The following CZIB variants were observed in gnomAD, a reference collection of about 807,000 sequenced individuals.
CZIB encodes UPF0587 protein C1orf123.
CZIB carries 26 observed loss-of-function variants against 28.3 expected under a neutral mutation model. The ratio of observed to expected loss-of-function variants is 0.92; its 90% CI spans 0.67 to 1.27. The LOEUF is 1.27. CZIB is among the 50% of genes most tolerant of loss of function. CZIB has a pLI of 0.00. For synonymous variants in CZIB, 78 were observed against 71.1 expected (o/e 1.10, Z -0.49); for missense variants, 179 against 197.3 (o/e 0.91, Z 0.56).
chr1:53,218,291 G>T, intron 4 of CZIB, 88 bp from the exon 5 acceptor site: 1 of 1,574,938 alleles, frequency 6.3e-7, no homozygotes, highest in Non-Finnish European at 8.7e-7. Context: ...AAAAGATCAC[G>T]CTGTACAGGT....
At chr1:53,219,254 C>A in intron 2 of CZIB, 1 of 341,288 alleles carries the variant, frequency 2.9e-6, no homozygotes, top group Non-Finnish European at 5.5e-6. Context: ...AAAATTACAG[C>A]TATATGGGAG....
rs1017270176 is a variant in CZIB at position 53,214,509 on chromosome 1, G to A, written c.*150C>T. On this transcript the variant is annotated 3_prime_UTR_variant, in exon 8 of 8. Transcript: ENST00000294360. ...CAGGGGCTTTATTGATGGGGCTTGGGAAGCTGTAATAAAGTCCAGCATGCA... is the reference window on the plus strand; with the variant it reads ...CAGGGGCTTTATTGATGGGGCTTGGAAAGCTGTAATAAAGTCCAGCATGCA... 2 of 640,436 alleles carry A rather than the reference G, an allele frequency of 3.1e-6. No homozygotes were observed. The highest frequency in any genetic ancestry group is 5.5e-6 in the Non-Finnish European group (2 of 365,808). The allele number at this position is 640,436 out of a possible 1,614,324, so 39.7% of individuals were successfully genotyped here. A position where few individuals can be genotyped will look rare whatever the true frequency, so the allele number is the denominator to read the frequency against.
At position 53,218,556 on chromosome 1, in the gene CZIB, A is replaced by C. The variant is rs906441119; in HGVS notation, c.148-61T>G. 2.4e-5 allele frequency: 37 copies of C among 1,514,914 alleles called. 1 individual carries two copies. In the Admixed American group the frequency reaches 3.4e-4, roughly 14 times the overall value. 93.8% of individuals were successfully genotyped at this position (1,514,914 alleles called of 1,614,324 possible). On this transcript the variant is annotated intron_variant, in intron 3 of 7. Coordinates refer to ENST00000294360, the MANE Select transcript of CZIB (RefSeq NM_017887.3). ...GAATTAGATGTACAGTCCTGAGGAG[A>C]TCGAGCCCACCATTTATTGTCCACT...
At chr1:53,217,239 T>C (rs534264485) in intron 5 of CZIB, 1 of 171,110 alleles carries the variant, frequency 5.8e-6, no homozygotes, top group African/African-American at 2.4e-5. Flanking sequence ...CAATAAATAG[T>C]AAATAAAATT....
chr1:53,220,362 A>C lies in CZIB; in HGVS notation c.7-18T>G. 6.2e-7 allele frequency: 1 copy of C among 1,610,102 alleles called. No individual in the cohort carries two copies. The highest frequency in any genetic ancestry group is 1.1e-5 in the South Asian group (1 of 91,064). ...GCGATTTTCTGAGGGGGAGGGCCAG[A>C]GCGACTGCGTCAGCCGTGCCTGCGC... On this transcript the variant is annotated intron_variant, in intron 1 of 7. Coordinates refer to ENST00000294360, the MANE Select transcript of CZIB (RefSeq NM_017887.3).
chr1:53,216,536 G>C (rs1425674716), intron 6 of CZIB, among the ~76,000 whole-genome samples: 1 of 152,178 alleles, frequency 6.6e-6, no homozygotes, highest in Admixed American at 6.5e-5. Context: ...AATCTCTTCA[G>C]TTCCTTCCTC....
intron 7 of CZIB, 56 bp downstream of exon 7, chr1:53,215,935 A>G: frequency 6.4e-7 from 1 of 1,569,660 alleles, no homozygotes; most frequent in Non-Finnish European, 8.8e-7. Flanking sequence ...GTCCACCAAA[A>G]AAATAATTCC....
In CZIB at chr1:53,220,618, G is replaced by A. The variant is rs1367456754; in HGVS notation, c.-43C>T. Reference sequence around the variant, plus strand: ...GGTGCTGGCTGCGGCCCTTGCCGTTGCTTTCCGGCGCGTCGTAAAAGGCGG... The same window carrying A: ...GGTGCTGGCTGCGGCCCTTGCCGTTACTTTCCGGCGCGTCGTAAAAGGCGG... On this transcript the variant is annotated 5_prime_UTR_variant, in exon 1 of 8. Transcript: ENST00000294360. 2 of 1,590,476 alleles carry A rather than the reference G, an allele frequency of 1.3e-6. No individual in the cohort carries two copies. The highest frequency in any genetic ancestry group is 2.2e-5 in the South Asian group (2 of 90,498).
Position 53,214,436 on chromosome 1 carries a change from G to C in CZIB, c.*223C>G, listed in dbSNP as rs979993634. The C allele has an allele frequency of 3.7e-4, 186 of 497,786 alleles. 2 individuals are homozygous for C. Among genetic ancestry groups the C allele is most frequent in the Non-Finnish European group, 2.5e-5 (7 of 277,882 alleles). The allele number at this position is 497,786 out of a possible 1,614,324, so 30.8% of individuals were successfully genotyped here. A position where few individuals can be genotyped will look rare whatever the true frequency, so the allele number is the denominator to read the frequency against. The stretch of plus-strand genomic sequence containing the variant: ...GCTGCACGAATTCTTATTTGTGGAG[G>C]GAGTAGCTGCCTCCTTACTTCACCT... On this transcript the variant is annotated 3_prime_UTR_variant, in exon 8 of 8. Transcript: ENST00000294360.
chr1:53,215,018 G>C (rs931609335), intron 7 of CZIB, among the ~76,000 whole-genome samples: 4 of 152,184 alleles, frequency 2.6e-5, no homozygotes, highest in African/African-American at 9.7e-5. Context: ...ATTGAATGTT[G>C]AAAGAATCAA....
intron 7 of CZIB, among the ~76,000 whole-genome samples, chr1:53,215,379 G>A (rs1319581617): frequency 6.6e-6 from 1 of 152,192 alleles, no homozygotes; most frequent in Non-Finnish European, 1.5e-5. Flanking sequence ...AGCATAGTGA[G>A]TGCCTGGCAC....
At chr1:53,219,693 A>G (rs1645505671) in intron 2 of CZIB, 1 of 152,640 alleles carries the variant, frequency 6.6e-6, no homozygotes, top group Non-Finnish European at 1.5e-5. Context: ...CTGGGAAACA[A>G]AAGTAGTCCG....
chr1:53,218,401 C>T lies in CZIB; in HGVS notation c.229+13G>A, dbSNP rs1645487887. On this transcript the variant is annotated intron_variant, in intron 4 of 7. Coordinates refer to ENST00000294360, the MANE Select transcript of CZIB (RefSeq NM_017887.3). The stretch of plus-strand genomic sequence containing the variant: ...CCACCCTGGCAGAACTCAGTACGCA[C>T]AGCCTGACCTACCGATGGAATTTTC... 6.2e-7 allele frequency: 1 copy of T among 1,614,152 alleles called. No homozygotes were observed.
At chr1:53,219,099 A>G in intron 2 of CZIB, 176 bp from the exon 3 acceptor site, 2 of 641,444 alleles carry the variant, frequency 3.1e-6, no homozygotes. Flanking sequence ...TGGGCAAAGG[A>G]TAGGTAAGGC....
chr1:53,220,253 G>A lies in CZIB; in HGVS notation c.90+8C>T, dbSNP rs1350839702. ...GCCTCCTCTCCCCGGGCCCCGCCCC[G>A]GCCGCACCTTCAGGTACCACCGGAA... On this transcript the variant is annotated splice_region_variant and intron_variant, in intron 2 of 7. Transcript: ENST00000294360. 3.1e-6 allele frequency: 5 copies of A among 1,612,164 alleles called. No individual in the cohort carries two copies. Among genetic ancestry groups the A allele is most frequent in the Non-Finnish European group, 4.2e-6 (5 of 1,179,338 alleles).
At chr1:53,216,412 G>C (rs1645473387) in intron 6 of CZIB, among the ~76,000 whole-genome samples, 1 of 152,184 alleles carries the variant, frequency 6.6e-6, no homozygotes, top group African/African-American at 2.4e-5. Flanking sequence ...TCACAGATTT[G>C]TTGTGAGGTG....
intron 2 of CZIB, 35 bp downstream of exon 2, chr1:53,220,226 G>A (rs370365566): frequency 7.0e-6 from 11 of 1,578,550 alleles, no homozygotes; most frequent in East Asian, 4.5e-5. Context: ...AGATCAGGAC[G>A]GGCCTCCTCT....
rs1196688082 is a variant in CZIB at position 53,218,515 on chromosome 1, A to G, written c.148-20T>C. ...ACTGTCCTGGCAAAAAGCAAACAGA[A>G]CTTTCAGTCACATATGAATTAGATG... On this transcript the variant is annotated intron_variant, in intron 3 of 7. Coordinates refer to ENST00000294360, the MANE Select transcript of CZIB (RefSeq NM_017887.3). 1.2e-6 allele frequency: 2 copies of G among 1,611,978 alleles called. No homozygotes were observed. Among genetic ancestry groups the G allele is most frequent in the Non-Finnish European group, 1.7e-6 (2 of 1,178,296 alleles).
intron 2 of CZIB, 38 bp downstream of exon 2, chr1:53,220,223 G>C: frequency 6.4e-7 from 1 of 1,573,828 alleles, no homozygotes; most frequent in South Asian, 1.1e-5. Context: ...CTGAGATCAG[G>C]ACGGGCCTCC....
Sources: gnomAD v4.1 joint callset for allele counts (sites outside exome capture counted in the v4.1 genomes callset) on GRCh38, gnomAD v4.1.1 for gene constraint, MANE v1.5 for transcripts, NCBI Gene and HGNC (gene_info 2026-07-23, HGNC 2026-07-21) for gene names.